ASZ1: variants seen among roughly 807,000 people sequenced by gnomAD.
ASZ1 encodes ankyrin repeat, SAM and basic leucine zipper domain containing 1, also known as ankyrin repeat, SAM and basic leucine zipper domain-containing protein 1.
ASZ1 carries 67 observed loss-of-function variants against 61.8 expected under a neutral mutation model. That is an observed-to-expected ratio of 1.08 (90% CI 0.89 to 1.33). ASZ1 has a LOEUF of 1.33. Ranked by LOEUF, ASZ1 falls within the 40% of genes most tolerant of loss-of-function variation. The pLI is 0.00. For synonymous variants in ASZ1, 193 were observed against 192.7 expected, an observed-to-expected ratio of 1.00 and a Z score of -0.01; for missense variants, 577 against 554.5, an observed-to-expected ratio of 1.04 and a Z score of -0.41.
At chr7:117,393,730 G>C (rs77519437) in intron 4 of ASZ1, among the ~76,000 whole-genome samples, 3,456 of 152,108 alleles carry the variant, frequency 0.023, 132 homozygotes, top group African/African-American at 0.079. Flanking sequence ...TATTAATATG[G>C]CTGGACTTAT....
At chr7:117,374,287 A>G (rs150940628) in intron 10 of ASZ1, among the ~76,000 whole-genome samples, 92 of 152,244 alleles carry the variant, frequency 6.0e-4, no homozygotes, top group African/African-American at 2.0e-3. Flanking sequence ...TTAGTCTACT[A>G]GTGATAATAC....
chr7:117,389,542 CA>C (rs1796422750), intron 4 of ASZ1, among the ~76,000 whole-genome samples: 1 of 152,122 alleles, frequency 6.6e-6, no homozygotes, highest in Non-Finnish European at 1.5e-5. Flanking sequence ...AATTTTGAAA[CA>C]AACCAGGCAG....
At chr7:117,374,845 C>G (rs1796108658) in intron 10 of ASZ1, among the ~76,000 whole-genome samples, 1 of 152,028 alleles carries the variant, frequency 6.6e-6, no homozygotes, top group Non-Finnish European at 1.5e-5. Flanking sequence ...TATTCCTATT[C>G]TTAGTCCCTG....
chr7:117,380,981 G>GT, intron 9 of ASZ1, 30 bp downstream of exon 9: 1 of 1,522,566 alleles, frequency 6.6e-7, no homozygotes, highest in Non-Finnish European at 9.0e-7. Context: ...ATCAAACAAT[G>GT]TATCGGGAAT....
chr7:117,414,433 T>C (rs537254154), intron 4 of ASZ1, among the ~76,000 whole-genome samples: 37 of 152,330 alleles, frequency 2.4e-4, no homozygotes, highest in African/African-American at 7.9e-4. Context: ...CTTTAATGTA[T>C]CTATTTAGTT....
At chr7:117,409,747 G>T (rs1027826472) in intron 4 of ASZ1, among the ~76,000 whole-genome samples, 3 of 151,756 alleles carry the variant, frequency 2.0e-5, no homozygotes, top group Non-Finnish European at 3.0e-5. Flanking sequence ...TTATGTGAAA[G>T]AAGAAACTTC....
intron 4 of ASZ1, among the ~76,000 whole-genome samples, chr7:117,387,916 T>C (rs1796392009): frequency 6.6e-6 from 1 of 152,080 alleles, no homozygotes; most frequent in Non-Finnish European, 1.5e-5. Context: ...CTAGCTAGAC[T>C]GATTAAGCAA....
Position 117,426,903 on chromosome 7 carries a change from C to G in ASZ1, c.138G>C (p.Lys46Asn), listed in dbSNP as rs202243868. 5 of 1,612,878 alleles carry G rather than the reference C, an allele frequency of 3.1e-6. No individual in the cohort carries two copies. The South Asian group carries it at 3.3e-5, about 11-fold the overall frequency. Residue 46 changes from lysine (K) to asparagine (N), a missense_variant, in exon 2 of 13, where the codon AAG becomes AAC. By Grantham distance (94) the Lys-to-Asn change is moderately conservative (BLOSUM62 0). Coordinates refer to ENST00000284629, the MANE Select transcript of ASZ1 (RefSeq NM_130768.3). The part of the protein sequence containing the change: ...KLKRLLPIEE[K>N]KEKFKKAMTI... ...TCATTGCTTTCTTAAATTTTTCTTT[C>G]TTTTCTTCAATGGGTAATAGCCTTT...
chr7:117,425,827 T>C (rs923961715), intron 2 of ASZ1, among the ~76,000 whole-genome samples: 10 of 151,688 alleles, frequency 6.6e-5, no homozygotes, highest in Admixed American at 5.2e-4. Context: ...CCGTGTCTAC[T>C]AAAATTACCA....
intron 1 of ASZ1, 30 bp downstream of exon 1, chr7:117,427,326 G>C (rs749368643): frequency 1.2e-6 from 2 of 1,609,714 alleles, no homozygotes; most frequent in Non-Finnish European, 1.7e-6. Flanking sequence ...CTGAAACCAG[G>C]TGTGGTCAAG....
chr7:117,393,023 T>A (rs145091076), intron 4 of ASZ1, among the ~76,000 whole-genome samples: 1 of 151,982 alleles, frequency 6.6e-6, no homozygotes, highest in African/African-American at 2.4e-5. Context: ...ATTTTTGGTA[T>A]TTTTAGTAGA....
At chr7:117,394,320 G>A (rs1322310629) in intron 4 of ASZ1, among the ~76,000 whole-genome samples, 1 of 152,172 alleles carries the variant, frequency 6.6e-6, no homozygotes, top group Non-Finnish European at 1.5e-5. Flanking sequence ...TTGCGCTCAA[G>A]CAGTCCTCCT....
At chr7:117,427,317 T>G (rs955695458) in intron 1 of ASZ1, 39 bp downstream of exon 1, 1 of 1,606,898 alleles carries the variant, frequency 6.2e-7, no homozygotes, top group Non-Finnish European at 8.5e-7. Context: ...CAGGGGAGGC[T>G]GAAACCAGGT....
At chr7:117,426,297 C>G (rs151303667) in intron 2 of ASZ1, among the ~76,000 whole-genome samples, 150 of 147,240 alleles carry the variant, frequency 1.0e-3, no homozygotes, top group Non-Finnish European at 1.9e-3. Context: ...CTGGCTAACA[C>G]GGTGAAACCC....
At chr7:117,405,705 T>C (rs1796769676) in intron 4 of ASZ1, among the ~76,000 whole-genome samples, 2 of 152,168 alleles carry the variant, frequency 1.3e-5, no homozygotes, top group Non-Finnish European at 2.9e-5. Flanking sequence ...CCAATTGTTG[T>C]GTGGGACCTC....
At chr7:117,420,028 G>A (rs994620656) in intron 4 of ASZ1, 135 bp downstream of exon 4, 5 of 567,572 alleles carry the variant, frequency 8.8e-6, no homozygotes, top group Non-Finnish European at 1.5e-5. Flanking sequence ...TATAGAATTG[G>A]AACAATGACC....
chr7:117,426,077 G>A (rs1180001181), intron 2 of ASZ1, among the ~76,000 whole-genome samples: 1 of 152,056 alleles, frequency 6.6e-6, no homozygotes, highest in Non-Finnish European at 1.5e-5. Flanking sequence ...GCAATAAACT[G>A]GAAGAAATTA....
chr7:117,382,264 A>G (rs776878098), intron 7 of ASZ1, 120 bp from the exon 8 acceptor site: 50 of 667,132 alleles, frequency 7.5e-5, no homozygotes, highest in Non-Finnish European at 1.1e-4. Flanking sequence ...TATATTTGCA[A>G]TCTGCACACC....
intron 7 of ASZ1, among the ~76,000 whole-genome samples, chr7:117,382,432 C>G (rs766937453): frequency 4.6e-5 from 7 of 152,004 alleles, no homozygotes; most frequent in Non-Finnish European, 1.0e-4. Context: ...GTAGCATACA[C>G]CTGCAGTCCC....
Sources: gnomAD v4.1 joint callset for allele counts (sites outside exome capture counted in the v4.1 genomes callset) on GRCh38, gnomAD v4.1.1 for gene constraint, MANE v1.5 for transcripts, NCBI Gene and HGNC (gene_info 2026-07-23, HGNC 2026-07-21) for gene names.